Variants in BRINP3 observed in about 807,000 individuals in gnomAD.
BRINP3 encodes the protein BMP/retinoic acid-inducible neural-specific protein 3.
A neutral mutation model predicts 71.0 loss-of-function variants in BRINP3; 19 were observed. The ratio of observed to expected loss-of-function variants is 0.27; its 90% confidence interval spans 0.19 to 0.39. The LOEUF is 0.39. Ranked by LOEUF, BRINP3 falls within the 10% of genes least tolerant of loss-of-function variation. The pLI, the probability that BRINP3 is intolerant of heterozygous loss-of-function variation, is 1.00. For synonymous variants in BRINP3, 380 were observed against 337.7 expected (o/e 1.13, Z -1.37); for missense variants, 959 against 940.8 (o/e 1.02, Z -0.25).
chr1:190,458,979 A>T (rs1676195991), intron 1 of BRINP3, among the ~76,000 whole-genome samples: 1 of 152,056 alleles, frequency 6.6e-6, no homozygotes, highest in African/African-American at 2.4e-5. Flanking sequence ...CAAAACATTA[A>T]AAACAATACA....
At chr1:190,247,578 C>A (rs1659724526) in intron 4 of BRINP3, among the ~76,000 whole-genome samples, 1 of 151,836 alleles carries the variant, frequency 6.6e-6, no homozygotes, top group Non-Finnish European at 1.5e-5. Flanking sequence ...CTCATCTATC[C>A]TATCTAGCTG....
intron 3 of BRINP3, among the ~76,000 whole-genome samples, chr1:190,270,798 G>A (rs1422952315): frequency 1.3e-5 from 2 of 151,498 alleles, no homozygotes; most frequent in Admixed American, 6.6e-5. Context: ...AGCTCTAAAG[G>A]ATTCGGCTAT....
intron 6 of BRINP3, among the ~76,000 whole-genome samples, chr1:190,210,933 T>C (rs1486704800): frequency 1.3e-5 from 2 of 152,086 alleles, no homozygotes; most frequent in East Asian, 3.9e-4. Flanking sequence ...CTTTCTCCTG[T>C]GCCGGGTGCT....
intron 7 of BRINP3, among the ~76,000 whole-genome samples, chr1:190,121,901 G>A (rs536035442): frequency 5.9e-5 from 9 of 152,250 alleles, no homozygotes; most frequent in African/African-American, 1.4e-4. Flanking sequence ...AATAAAAATC[G>A]TGTGGACTGA....
intron 2 of BRINP3, among the ~76,000 whole-genome samples, chr1:190,443,981 C>T (rs1373981141): frequency 6.6e-6 from 1 of 151,948 alleles, no homozygotes; most frequent in Admixed American, 6.6e-5. Context: ...GTCTATAATC[C>T]CAGCACTTTG....
chr1:190,139,313 A>G (rs1655231311), intron 7 of BRINP3, among the ~76,000 whole-genome samples: 1 of 151,620 alleles, frequency 6.6e-6, no homozygotes, highest in Admixed American at 6.6e-5. Flanking sequence ...TTAGCCAGGC[A>G]TGGTGGCAGG....
At chr1:190,275,546 C>T (rs1310563160) in intron 3 of BRINP3, among the ~76,000 whole-genome samples, 1 of 151,464 alleles carries the variant, frequency 6.6e-6, no homozygotes, top group Non-Finnish European at 1.5e-5. Flanking sequence ...CATTTATTAC[C>T]AAGTTAAATG....
Position 190,099,153 on chromosome 1 carries a change from A to C in BRINP3, c.1185-19T>G. On this transcript the variant is annotated intron_variant, in intron 7 of 7. Coordinates refer to ENST00000367462, the MANE Select transcript of BRINP3 (RefSeq NM_199051.3). The stretch of plus-strand genomic sequence containing the variant: ...TGAGGTTCTAGAAATACAAAACAGA[A>C]CGAATCTACATAAATACAAAGATAT... The C allele has an allele frequency of 6.2e-7, 1 of 1,604,140 alleles. No individual in the cohort carries two copies. Among genetic ancestry groups the C allele is most frequent in the Non-Finnish European group, 8.5e-7 (1 of 1,173,402 alleles).
At chr1:190,382,197 A>G (rs1276259366) in intron 2 of BRINP3, among the ~76,000 whole-genome samples, 2 of 152,016 alleles carry the variant, frequency 1.3e-5, no homozygotes, top group Non-Finnish European at 2.9e-5. Context: ...AAAAATCTAG[A>G]TGCATGTATC....
chr1:190,277,392 G>T (rs924337050), intron 3 of BRINP3, among the ~76,000 whole-genome samples: 3 of 151,094 alleles, frequency 2.0e-5, no homozygotes, highest in African/African-American at 7.3e-5. Context: ...GGAACTCACA[G>T]GTTTCCTGGC....
chr1:190,149,625 T>TTGTGTGTGTG (rs71669261), intron 7 of BRINP3, among the ~76,000 whole-genome samples: 9 of 146,526 alleles, frequency 6.1e-5, no homozygotes, highest in African/African-American at 2.2e-4. Flanking sequence ...TGTTGAGTAG[T>TTGTGTGTGTG]TGTGTGTGTG....
intron 2 of BRINP3, among the ~76,000 whole-genome samples, chr1:190,331,707 A>T (rs1666974321): frequency 6.6e-6 from 1 of 152,048 alleles, no homozygotes; most frequent in African/African-American, 2.4e-5. Context: ...GCAAACATAA[A>T]TACCACTTAA....
At chr1:190,105,977 T>C (rs1652126698) in intron 7 of BRINP3, among the ~76,000 whole-genome samples, 1 of 151,996 alleles carries the variant, frequency 6.6e-6, no homozygotes. Context: ...CGATTTTCTA[T>C]CAAAGATTAC....
chr1:190,290,506 C>T (rs1663778863), intron 2 of BRINP3, among the ~76,000 whole-genome samples: 1 of 152,072 alleles, frequency 6.6e-6, no homozygotes, highest in Non-Finnish European at 1.5e-5. Flanking sequence ...CTCCTATAAA[C>T]TTTAAAATGT....
intron 2 of BRINP3, among the ~76,000 whole-genome samples, chr1:190,325,812 T>C (rs1262227116): frequency 6.6e-6 from 1 of 152,100 alleles, no homozygotes; most frequent in Non-Finnish European, 1.5e-5. Flanking sequence ...TACATAACAA[T>C]TATAAAATGA....
intron 6 of BRINP3, among the ~76,000 whole-genome samples, chr1:190,216,775 T>A (rs540715058): frequency 1.3e-5 from 2 of 151,932 alleles, no homozygotes; most frequent in African/African-American, 4.8e-5. Context: ...TACTTCCTTC[T>A]TTTTGTATGG....
chr1:190,170,386 C>T (rs1324075581), intron 6 of BRINP3, among the ~76,000 whole-genome samples: 3 of 152,054 alleles, frequency 2.0e-5, no homozygotes, highest in African/African-American at 7.2e-5. Flanking sequence ...ATTACATATA[C>T]TATGAATTAA....
intron 6 of BRINP3, among the ~76,000 whole-genome samples, chr1:190,165,242 C>T (rs1487050226): frequency 6.6e-6 from 1 of 151,868 alleles, no homozygotes; most frequent in African/African-American, 2.4e-5. Context: ...AATCCAATGA[C>T]TTTAAATCCA....
chr1:190,100,280 T>C (rs1056299170), intron 7 of BRINP3, among the ~76,000 whole-genome samples: 5 of 152,212 alleles, frequency 3.3e-5, no homozygotes, highest in South Asian at 2.1e-4. Flanking sequence ...CTGCAAAATA[T>C]ATATGCTGTA....
Sources: allele counts gnomAD v4.1 joint callset (sites outside exome capture counted in the v4.1 genomes callset), GRCh38; gene constraint gnomAD v4.1.1; transcripts MANE v1.5; gene names NCBI Gene and HGNC (gene_info 2026-07-23, HGNC 2026-07-21).